Variants in PZP observed in about 807,000 individuals in gnomAD.
PZP encodes PZP alpha-2-macroglobulin like, also known as pregnancy zone protein.
Under a neutral mutation model 179.8 loss-of-function variants are expected in PZP, and 150 were observed. The ratio of observed to expected loss-of-function variants is 0.83; its 90% CI spans 0.73 to 0.96. The LOEUF (loss-of-function observed/expected upper bound fraction) is 0.96, where lower values mean the gene tolerates loss of function less well. Ranked by LOEUF, PZP falls within the 40% of genes least tolerant of loss-of-function variation. The pLI is 0.00. For synonymous variants in PZP, 624 were observed against 652.3 expected (o/e 0.96, Z 0.66); for missense variants, 1,689 against 1,764.0 (o/e 0.96, Z 0.76).
rs1211372563 is a variant in PZP, at chr12:9,189,278, A to G, written c.1546+2915T>C. Among the ~76,000 whole-genome samples the G allele has an allele frequency of 2.0e-5, 3 of 152,246 alleles. No individual in the cohort carries two copies. The East Asian group carries it at 5.8e-4, about 29-fold the overall frequency. On this transcript the variant is annotated intron_variant, in intron 13 of 35. Coordinates refer to ENST00000261336, the MANE Select transcript of PZP (RefSeq NM_002864.3). The stretch of plus-strand genomic sequence containing the variant: ...ACAGGGCTACAGTTACCAAAACAGC[A>G]TAGTACTTGTACAAAAACAGACACA...
Position 9,196,629 on chromosome 12 carries a change from T to C in PZP, c.924A>G (p.Thr308=). The part of the protein sequence containing the change: ...QQVHTKMLQI[T]NTGFEMKLRV... The stretch of plus-strand genomic sequence containing the variant: ...TAAGCTTCATTTCAAAGCCCGTATT[T>C]GTAATCTGGAGCATTTTGGTGTGTA... The change falls in exon 9 of 36, where the codon ACA becomes ACG. Residue 308 remains threonine, a synonymous_variant. Coordinates refer to ENST00000261336, the MANE Select transcript of PZP (RefSeq NM_002864.3). 1 of 1,613,972 alleles carries C rather than the reference T, an allele frequency of 6.2e-7. No homozygotes were observed. Among genetic ancestry groups the C allele is most frequent in the Non-Finnish European group, 8.5e-7 (1 of 1,179,852 alleles).
the PZP span, among the ~76,000 whole-genome samples, chr12:9,141,670 A>T: frequency 3.9e-3 from 591 of 152,332 alleles, 8 homozygotes; most frequent in South Asian, 0.013. Flanking sequence ...TCTAGGTAAA[A>T]ATCCACATTC....
At chr12:9,164,764 A>G (rs922755678) in intron 19 of PZP, among the ~76,000 whole-genome samples, 1 of 152,248 alleles carries the variant, frequency 6.6e-6, no homozygotes, top group African/African-American at 2.4e-5. Flanking sequence ...TATAAGATAA[A>G]TTAAAATTAT....
At chr12:9,197,450 AATAATATATAATAAT>A (rs1003992664) in intron 7 of PZP, among the ~76,000 whole-genome samples, 22 of 132,878 alleles carry the variant, frequency 1.7e-4, no homozygotes, top group South Asian at 1.5e-3. Flanking sequence ...AGTACTGCTT[AATAATATATAATAAT>A]ATAATATATA....
At chr12:9,174,840 T>C (rs1486364820) in intron 15 of PZP, among the ~76,000 whole-genome samples, 1 of 152,170 alleles carries the variant, frequency 6.6e-6, no homozygotes, top group East Asian at 1.9e-4. Flanking sequence ...AAACATTCCA[T>C]CCTCACGCAT....
intron 10 of PZP, among the ~76,000 whole-genome samples, chr12:9,195,233 A>T (rs939338798): frequency 5.7e-4 from 87 of 152,170 alleles, no homozygotes; most frequent in East Asian, 1.9e-4. Flanking sequence ...ATCAATTTTT[A>T]AAAAATTTAA....
At chr12:9,206,611 A>G (rs1335742937) in intron 1 of PZP, among the ~76,000 whole-genome samples, 1 of 152,148 alleles carries the variant, frequency 6.6e-6, no homozygotes, top group East Asian at 1.9e-4. Context: ...TCTGAAGCTT[A>G]CTGCCCCAAG....
At chr12:9,156,215 A>C (rs1319090276) in intron 28 of PZP, 1 of 205,142 alleles carries the variant, frequency 4.9e-6, no homozygotes, top group East Asian at 1.2e-4. Context: ...GTGATTGTTC[A>C]TGACAATATC....
downstream of PZP, among the ~76,000 whole-genome samples, chr12:9,144,822 C>T (rs1243537870): frequency 1.3e-5 from 2 of 151,970 alleles, no homozygotes; most frequent in Admixed American, 6.6e-5. Context: ...TATCTCTGGT[C>T]GGGGAGGGTT....
intron 13 of PZP, among the ~76,000 whole-genome samples, chr12:9,184,877 T>C (rs1383215698): frequency 6.6e-6 from 1 of 152,156 alleles, no homozygotes; most frequent in Non-Finnish European, 1.5e-5. Context: ...ACTCACCTTA[T>C]ACCACAATCA....
At chr12:9,162,432 T>C in intron 22 of PZP, 165 bp downstream of exon 22, 1 of 600,058 alleles carries the variant, frequency 1.7e-6, no homozygotes, top group Non-Finnish European at 2.9e-6. Flanking sequence ...TCTCTTGGGC[T>C]CAATGTCTTC....
At chr12:9,161,904 T>A (rs1941229511) in intron 22 of PZP, among the ~76,000 whole-genome samples, 1 of 152,216 alleles carries the variant, frequency 6.6e-6, no homozygotes, top group Non-Finnish European at 1.5e-5. Context: ...TTTTAGAGAC[T>A]ATCTCTTGGG....
At chr12:9,181,259 C>A (rs1407209420) in intron 14 of PZP, 127 bp from the exon 15 acceptor site, 2 of 1,209,676 alleles carry the variant, frequency 1.7e-6, no homozygotes, top group Non-Finnish European at 1.1e-6. Flanking sequence ...AGTCAGAAAC[C>A]TATTTTTACA....
chr12:9,198,679 C>G (rs1943980199), intron 7 of PZP, among the ~76,000 whole-genome samples: 1 of 152,138 alleles, frequency 6.6e-6, no homozygotes, highest in African/African-American at 2.4e-5. Context: ...TAATGGGTAA[C>G]AGAATAATAC....
intron 10 of PZP, among the ~76,000 whole-genome samples, chr12:9,195,360 G>A (rs1455714559): frequency 6.6e-6 from 1 of 151,946 alleles, no homozygotes; most frequent in African/African-American, 2.4e-5. Context: ...ACATGAGAAT[G>A]TTTTCTTCCC....
intron 13 of PZP, among the ~76,000 whole-genome samples, chr12:9,184,596 G>T (rs1942985832): frequency 6.6e-6 from 1 of 152,246 alleles, no homozygotes; most frequent in Admixed American, 6.5e-5. Flanking sequence ...CATGCTGCTG[G>T]TACATGTGAA....
chr12:9,204,070 A>T (rs1398170468), intron 1 of PZP, 119 bp from the exon 2 acceptor site: 3 of 1,036,612 alleles, frequency 2.9e-6, no homozygotes, highest in Non-Finnish European at 4.2e-6. Flanking sequence ...TCTAAAAGTC[A>T]ATGGACTAAG....
chr12:9,192,466 T>A (rs1365103869), intron 12 of PZP, 46 bp downstream of exon 12: 2 of 1,548,748 alleles, frequency 1.3e-6, no homozygotes, highest in East Asian at 4.5e-5. Context: ...TGACCACTTT[T>A]GTCCTACTGA....
At chr12:9,163,921 G>T in intron 20 of PZP, 132 bp from the exon 21 acceptor site, 3 of 1,278,762 alleles carry the variant, frequency 2.3e-6, no homozygotes, top group Non-Finnish European at 3.2e-6. Context: ...CAAGGTTAAT[G>T]TATACTAAGT....
Sources: allele counts gnomAD v4.1 joint callset (sites outside exome capture counted in the v4.1 genomes callset), GRCh38; gene constraint gnomAD v4.1.1; transcripts MANE v1.5; gene names NCBI Gene and HGNC (gene_info 2026-07-23, HGNC 2026-07-21).